Variants in SYNC observed in about 807,000 individuals in gnomAD.
The protein encoded by SYNC is syncoilin.
A neutral mutation model predicts 49.5 loss-of-function variants in SYNC; 38 were observed. The ratio of observed to expected loss-of-function variants is 0.77; its 90% CI spans 0.59 to 1.01. The LOEUF is 1.01. SYNC is among the 50% of genes least tolerant of loss of function. SYNC has a pLI of 0.00. For missense variants in SYNC, 579 were observed against 580.6 expected (o/e 1.00, Z 0.03); for synonymous variants, 201 against 230.8 (o/e 0.87, Z 1.17).
At chr1:32,691,959 C>T (rs985918119) in intron 2 of SYNC, among the ~76,000 whole-genome samples, 1 of 152,126 alleles carries the variant, frequency 6.6e-6, no homozygotes, top group African/African-American at 2.4e-5. Flanking sequence ...CCCGGCCGGG[C>T]GCAGTGGCTC....
In SYNC at chr1:32,695,506, G is replaced by A. The variant is rs1356711855; in HGVS notation, c.592C>T (p.His198Tyr). 1.9e-6 allele frequency: 3 copies of A among 1,551,248 alleles called. No individual in the cohort carries two copies. Among genetic ancestry groups the A allele is most frequent in the Non-Finnish European group, 2.6e-6 (3 of 1,146,948 alleles). ...GGTTCCCGGAGCAATACAAGCTCAT[G>A]GATGAGCTGATCCCTCTCCTCTTCC... ...QLEEERDQLI[H>Y]ELVLLREPAL... The change falls in exon 2 of 5, where the codon CAT becomes TAT. Residue 198 changes from histidine to tyrosine, a missense_variant. Coordinates refer to ENST00000409190, the MANE Select transcript of SYNC (RefSeq NM_030786.3).
At position 32,696,009 on chromosome 1, in the gene SYNC, T is replaced by A; in HGVS notation, c.89A>T (p.Lys30Met). Residue 30 changes from lysine to methionine, a missense_variant, in exon 2 of 5, where the codon AAG becomes ATG. Lys to Met is a moderately conservative substitution (Grantham distance 95). Transcript: ENST00000409190. ...TGCCTCATTTAGGGATCCAGAGTTC[T>A]TTGGAAGAGGAGAATTGGCCTCTAC... ...TRVEANSPLP[K>M]NSGSLNEAEA... The A allele has an allele frequency of 6.5e-7, 1 of 1,539,110 alleles. No homozygotes were observed. Among genetic ancestry groups the A allele is most frequent in the Non-Finnish European group, 8.7e-7 (1 of 1,146,880 alleles).
At chr1:32,682,761 A>ACT (rs5773380) in intron 4 of SYNC, 147,887 of 151,990 alleles carry the variant, frequency 0.97, 72,078 homozygotes, top group East Asian at 1. Flanking sequence ...GCAGAGCGAG[A>ACT]CTGTCTCAAA....
Position 32,680,181 on chromosome 1 carries a change from A to T in SYNC, c.*1669T>A, listed in dbSNP as rs1004036008. On this transcript the variant is annotated 3_prime_UTR_variant, in exon 5 of 5. Coordinates refer to ENST00000409190, the MANE Select transcript of SYNC (RefSeq NM_030786.3). ...CGAAAATCTTGACACCTGACTTTCCAGGATGCACATTTTCATACGTAGACC... is the reference window on the plus strand; with the variant it reads ...CGAAAATCTTGACACCTGACTTTCCTGGATGCACATTTTCATACGTAGACC... The T allele has an allele frequency of 1.8e-6, 2 of 1,093,650 alleles. No individual in the cohort carries two copies. The allele number at this position is 1,093,650 out of a possible 1,614,324, so 67.7% of individuals were successfully genotyped here.
intron 1 of SYNC, among the ~76,000 whole-genome samples, chr1:32,696,854 A>G (rs954102167): frequency 1.3e-5 from 2 of 151,134 alleles, no homozygotes; most frequent in Non-Finnish European, 2.9e-5. Flanking sequence ...CAGTGGTGCC[A>G]TTTCAGCCTC....
intron 2 of SYNC, among the ~76,000 whole-genome samples, chr1:32,686,560 C>A (rs962113436): frequency 1.3e-5 from 2 of 152,170 alleles, no homozygotes; most frequent in African/African-American, 4.8e-5. Context: ...GTAACAGGTG[C>A]TGTGGAAACA....
At chr1:32,681,996 C>T in intron 4 of SYNC, 136 bp from the exon 5 acceptor site, 3 of 731,418 alleles carry the variant, frequency 4.1e-6, no homozygotes, top group Non-Finnish European at 7.0e-6. Context: ...TATTTGGATG[C>T]CTCCTGTTTG....
At chr1:32,698,125 A>C (rs920075421) in intron 1 of SYNC, among the ~76,000 whole-genome samples, 3 of 151,078 alleles carry the variant, frequency 2.0e-5, no homozygotes, top group African/African-American at 7.3e-5. Flanking sequence ...CGGGAGGCTA[A>C]GGCACAAGAA....
chr1:32,687,036 CTT>C (rs1476890585), intron 2 of SYNC, among the ~76,000 whole-genome samples: 1 of 152,096 alleles, frequency 6.6e-6, no homozygotes, highest in Non-Finnish European at 1.5e-5. Flanking sequence ...TTAGAGAAAA[CTT>C]TAGTTTTGGA....
At chr1:32,685,174 G>A (rs2148545797) in intron 2 of SYNC, 1 of 152,290 alleles carries the variant, frequency 6.6e-6, no homozygotes, top group Middle Eastern at 3.4e-3. Context: ...TACACAAAAA[G>A]ACTGAATTTG....
At chr1:32,696,086 C>T (rs772575786) in intron 1 of SYNC, 42 bp from the exon 2 acceptor site, 24 of 1,495,136 alleles carry the variant, frequency 1.6e-5, no homozygotes, top group Non-Finnish European at 2.0e-5. Flanking sequence ...AGCCACAATC[C>T]CAGGATGGTG....
At position 32,681,859 on chromosome 1, in the gene SYNC, C is replaced by A. The variant is rs1649460117; in HGVS notation, c.1440G>T (p.Gly480=). ...QAGGMETQSQ[G]AV ...ATTTGGCCATATATTTCTAAACAGC[C>A]CCTGTAAAGTTGAAAGAAAAAGTTT... Residue 480 remains glycine, a splice_region_variant and synonymous_variant, in exon 5 of 5, where the codon GGG becomes GGT. Coordinates refer to ENST00000409190, the MANE Select transcript of SYNC (RefSeq NM_030786.3). 2 of 1,613,834 alleles carry A rather than the reference C, an allele frequency of 1.2e-6. No individual in the cohort carries two copies. Among genetic ancestry groups the A allele is most frequent in the African/African-American group, 1.3e-5 (1 of 74,874 alleles).
At chr1:32,684,629 T>C (rs1649691665) in intron 2 of SYNC, 1 of 483,696 alleles carries the variant, frequency 2.1e-6, no homozygotes, top group Non-Finnish European at 3.7e-6. Flanking sequence ...TTTAATAGAA[T>C]CCTGGGAGGG....
In SYNC at chr1:32,701,516, A is replaced by G. The variant is rs75602889; in HGVS notation, c.53+1092T>C. Among the ~76,000 whole-genome samples the G allele has an allele frequency of 9.4e-3, 1,438 of 152,286 alleles. 22 individuals are homozygous for G. The highest frequency in any genetic ancestry group is 0.033 in the African/African-American group (1,376 of 41,548). On this transcript the variant is annotated intron_variant, in intron 1 of 4. Transcript: ENST00000409190. ...AAGGAGGAAATCTGCCCAAGGTCGA[A>G]TGGCAAAGCTGGAAGTAAAACCCAG...
At chr1:32,696,164 T>C (rs1307639691) in intron 1 of SYNC, 120 bp from the exon 2 acceptor site, 28 of 767,472 alleles carry the variant, frequency 3.6e-5, no homozygotes, top group Admixed American at 5.5e-5. Context: ...GCCATTCGTC[T>C]GCTCCCTCCA....
chr1:32,691,499 G>A (rs1650164096), intron 2 of SYNC, among the ~76,000 whole-genome samples: 1 of 151,374 alleles, frequency 6.6e-6, no homozygotes. Context: ...GTTGCAGCAA[G>A]GCGAGATCGT....
chr1:32,695,200 CCTT>C lies in SYNC; in HGVS notation c.895_897del (p.Lys299del), dbSNP rs750297610. On this transcript the variant is annotated inframe_deletion, in exon 2 of 5. Coordinates refer to ENST00000409190, the MANE Select transcript of SYNC (RefSeq NM_030786.3). ...GCTTCTAGTTGTTGCCGCAGCTGCT[CCTT>C]CTGCTTCTGATAGGCATCCCGGAGC... 3.9e-6 allele frequency: 6 copies of C among 1,558,364 alleles called. No individual in the cohort carries two copies. The Admixed American group carries it at 7.8e-5, about 20-fold the overall frequency.
At chr1:32,689,939 C>CAAAA (rs11320062) in intron 2 of SYNC, among the ~76,000 whole-genome samples, 3 of 100,664 alleles carry the variant, frequency 3.0e-5, no homozygotes, top group African/African-American at 3.6e-5. Context: ...GACACCGTCA[C>CAAAA]AAAAAAAAAA....
chr1:32,683,684 A>G, intron 4 of SYNC: 1 of 214,356 alleles, frequency 4.7e-6, no homozygotes, highest in Non-Finnish European at 9.4e-6. Context: ...TACAAGCTGG[A>G]GTGCTGTATT....
Sources: gnomAD v4.1 joint callset for allele counts (sites outside exome capture counted in the v4.1 genomes callset) on GRCh38, gnomAD v4.1.1 for gene constraint, MANE v1.5 for transcripts, NCBI Gene and HGNC (gene_info 2026-07-23, HGNC 2026-07-21) for gene names.